DNM3: variants seen among roughly 807,000 people sequenced by gnomAD.
DNM3 encodes the protein dynamin 3, also known as dynamin-3.
Under a neutral mutation model 101.6 loss-of-function variants are expected in DNM3, and 47 were observed. The ratio of observed to expected loss-of-function variants is 0.46; its 90% CI spans 0.37 to 0.59. The LOEUF (loss-of-function observed/expected upper bound fraction) is 0.59. Ranked by LOEUF, DNM3 falls within the 20% of genes least tolerant of loss-of-function variation. The probability of loss-of-function intolerance (pLI) is 0.00; values close to 1 mark genes in which losing one functional copy is unlikely to be tolerated. For missense variants in DNM3, 849 were observed against 1,085.7 expected, an observed-to-expected ratio of 0.78 and a Z score of 3.06; for synonymous variants, 385 against 387.9, an observed-to-expected ratio of 0.99 and a Z score of 0.09.
chr1:172,297,913 T>A (rs1273646769), intron 15 of DNM3, among the ~76,000 whole-genome samples: 1 of 152,090 alleles, frequency 6.6e-6, no homozygotes, highest in African/African-American at 2.4e-5. Context: ...TCTCCTTCTA[T>A]CTTCCTTTTC....
chr1:172,367,558 CA>C (rs1340872510), intron 17 of DNM3, among the ~76,000 whole-genome samples: 2 of 151,640 alleles, frequency 1.3e-5, no homozygotes, highest in Admixed American at 1.3e-4. Flanking sequence ...AATGAGAAGA[CA>C]AAAAAGATGA....
chr1:172,200,170 A>G (rs1405338648), intron 14 of DNM3, among the ~76,000 whole-genome samples: 1 of 152,146 alleles, frequency 6.6e-6, no homozygotes, highest in Non-Finnish European at 1.5e-5. Flanking sequence ...TACGAAGCTT[A>G]GTTTGGCTGT....
chr1:171,955,294 A>G (rs547296285), intron 2 of DNM3, among the ~76,000 whole-genome samples: 244 of 152,354 alleles, frequency 1.6e-3, no homozygotes, highest in African/African-American at 5.4e-3. Flanking sequence ...GCACTTATAA[A>G]AGATAATACA....
intron 2 of DNM3, among the ~76,000 whole-genome samples, chr1:171,937,482 G>A (rs550100544): frequency 3.3e-5 from 5 of 152,230 alleles, no homozygotes; most frequent in Non-Finnish European, 7.4e-5. Flanking sequence ...TACACTGGGT[G>A]GGCTTCTTAT....
chr1:171,853,570 A>G (rs2033231078), intron 1 of DNM3, among the ~76,000 whole-genome samples: 1 of 152,228 alleles, frequency 6.6e-6, no homozygotes. Context: ...AAAAATAAAC[A>G]TAGTTTAGTT....
At chr1:172,008,196 T>C (rs2046827847) in intron 4 of DNM3, among the ~76,000 whole-genome samples, 2 of 152,130 alleles carry the variant, frequency 1.3e-5, no homozygotes, top group Middle Eastern at 6.8e-3. Context: ...GCAGAAGTTT[T>C]TTAGTGTGAT....
Position 172,388,638 on chromosome 1 carries a change from C to G in DNM3, c.2351C>G (p.Thr784Arg). 1 of 1,614,052 alleles carries G rather than the reference C, an allele frequency of 6.2e-7. No individual in the cohort carries two copies. Among genetic ancestry groups the G allele is most frequent in the East Asian group, 2.2e-5 (1 of 44,872 alleles). The change falls in exon 20 of 21, where the codon ACA (threonine) becomes AGA (arginine). Residue 784 changes from threonine to arginine, a missense_variant. By Grantham distance (71) the Thr-to-Arg change is moderately conservative. Transcript: ENST00000627582. ...CTAAGTGCTCCCCTCGCAAGGCCCA[C>G]ATCCGGCCGAGGACCAGCTCCTGCC... ...PTLSAPLARPTSGRGPAPAIP... is the reference protein window; with the variant it reads ...PTLSAPLARPRSGRGPAPAIP...
At chr1:172,258,016 A>G (rs1247075752) in intron 15 of DNM3, among the ~76,000 whole-genome samples, 1 of 152,056 alleles carries the variant, frequency 6.6e-6, no homozygotes, top group Non-Finnish European at 1.5e-5. Context: ...ACTCCTATTT[A>G]TGAGCAAGTA....
intron 1 of DNM3, among the ~76,000 whole-genome samples, chr1:171,845,659 A>G (rs1447771625): frequency 8.5e-5 from 13 of 152,242 alleles, no homozygotes. Flanking sequence ...GTGACCCCTT[A>G]GGCAGAAGCA....
At chr1:171,903,758 G>GA (rs2038577045) in intron 1 of DNM3, among the ~76,000 whole-genome samples, 1 of 152,054 alleles carries the variant, frequency 6.6e-6, no homozygotes, top group Admixed American at 6.6e-5. Context: ...TTTTACTCCT[G>GA]AAAAAGGGGG....
intron 17 of DNM3, among the ~76,000 whole-genome samples, chr1:172,350,063 C>T (rs1288127110): frequency 1.3e-5 from 2 of 152,044 alleles, no homozygotes; most frequent in Admixed American, 1.3e-4. Context: ...AAATTGGTAT[C>T]GATTTCTGAA....
intron 14 of DNM3, among the ~76,000 whole-genome samples, chr1:172,198,514 G>A (rs1485452134): frequency 6.6e-6 from 1 of 150,422 alleles, no homozygotes; most frequent in African/African-American, 2.5e-5. Flanking sequence ...ACATCTCATA[G>A]AATTTGACTG....
intron 2 of DNM3, among the ~76,000 whole-genome samples, chr1:171,979,661 T>C (rs1267382612): frequency 2.0e-5 from 3 of 152,232 alleles, no homozygotes; most frequent in Non-Finnish European, 4.4e-5. Flanking sequence ...GCCTTGGTCT[T>C]GTCCACCAGC....
chr1:172,124,295 C>T (rs1240254691), intron 13 of DNM3, among the ~76,000 whole-genome samples: 2 of 152,138 alleles, frequency 1.3e-5, no homozygotes, highest in South Asian at 2.1e-4. Flanking sequence ...TGCCACCATG[C>T]ATTTACCGTC....
intron 18 of DNM3, among the ~76,000 whole-genome samples, chr1:172,386,018 G>A (rs142757082): frequency 3.9e-5 from 6 of 152,342 alleles, no homozygotes; most frequent in African/African-American, 1.4e-4. Context: ...AATGCTGTGT[G>A]ACCTAGCACA....
chr1:172,234,779 G>A (rs1165242061), intron 14 of DNM3, among the ~76,000 whole-genome samples: 10 of 152,152 alleles, frequency 6.6e-5, no homozygotes, highest in Non-Finnish European at 1.2e-4. Flanking sequence ...AATGGTGCTG[G>A]GAAAACTGGC....
At position 172,107,718 on chromosome 1, in the gene DNM3, A is replaced by G. The variant is rs139819610; in HGVS notation, c.1545+14843A>G. Among the ~76,000 whole-genome samples the G allele has an allele frequency of 3.6e-3, 547 of 152,332 alleles. 7 individuals carry two copies. Among genetic ancestry groups the G allele is most frequent in the African/African-American group, 0.013 (523 of 41,582 alleles). ...TGAGACATTCTTGTATATATTTCCA[A>G]TAGTGCTCTTTTGTTATTTTTGTTC... On this transcript the variant is annotated intron_variant, in intron 13 of 20. Coordinates refer to ENST00000627582, the MANE Select transcript of DNM3 (RefSeq NM_015569.5).
intron 10 of DNM3, among the ~76,000 whole-genome samples, chr1:172,065,812 A>G (rs1188789084): frequency 6.6e-6 from 1 of 152,196 alleles, no homozygotes; most frequent in Non-Finnish European, 1.5e-5. Context: ...TATTTGGAAA[A>G]TGTAGATAAA....
intron 20 of DNM3, among the ~76,000 whole-genome samples, chr1:172,405,890 C>CTT (rs1174370858): frequency 1.8e-4 from 26 of 145,080 alleles, no homozygotes; most frequent in African/African-American, 5.8e-4. Context: ...ACTTTAGCTA[C>CTT]TTTTTTTTTT....
Sources: allele counts gnomAD v4.1 joint callset (sites outside exome capture counted in the v4.1 genomes callset), GRCh38; gene constraint gnomAD v4.1.1; transcripts MANE v1.5; gene names NCBI Gene and HGNC (gene_info 2026-07-23, HGNC 2026-07-21).